NLGN1: variants seen among roughly 807,000 people sequenced by gnomAD.
The protein encoded by NLGN1 is neuroligin 1, also known as neuroligin-1.
NLGN1 carries 12 observed loss-of-function variants against 65.5 expected under a neutral mutation model. The observed-to-expected ratio is 0.18, with a 90% CI of 0.12 to 0.30. The LOEUF is 0.30. Ranked by LOEUF, NLGN1 falls within the 10% of genes least tolerant of loss-of-function variation. The pLI, the probability that NLGN1 is intolerant of heterozygous loss-of-function variation, is 1.00. For missense variants in NLGN1, 750 were observed against 1,007.1 expected (o/e 0.74, Z 3.46); for synonymous variants, 350 against 359.5 (o/e 0.97, Z 0.30).
chr3:174,131,036 A>T (rs1720075667), intron 4 of NLGN1, among the ~76,000 whole-genome samples: 1 of 152,198 alleles, frequency 6.6e-6, no homozygotes, highest in African/African-American at 2.4e-5. Context: ...GAGAAAAAAT[A>T]GTGTAATGAA....
intron 2 of NLGN1, among the ~76,000 whole-genome samples, chr3:173,476,667 C>G (rs1478271463): frequency 6.6e-6 from 1 of 152,100 alleles, no homozygotes; most frequent in Non-Finnish European, 1.5e-5. Context: ...CTGCTTTATC[C>G]ATTCTTAAAG....
intron 3 of NLGN1, among the ~76,000 whole-genome samples, chr3:173,795,552 TTAAC>T (rs1420495955): frequency 6.6e-6 from 1 of 152,128 alleles, no homozygotes; most frequent in Admixed American, 6.6e-5. Context: ...TTATATAAAA[TTAAC>T]TAAATTTCAA....
chr3:173,722,694 AC>A (rs1771061955), intron 3 of NLGN1, among the ~76,000 whole-genome samples: 1 of 152,190 alleles, frequency 6.6e-6, no homozygotes, highest in African/African-American at 2.4e-5. Context: ...TGACAAAATT[AC>A]TTAATCTCCC....
At chr3:174,265,462 C>A (rs894715105) in intron 4 of NLGN1, among the ~76,000 whole-genome samples, 6 of 152,112 alleles carry the variant, frequency 3.9e-5, no homozygotes, top group African/African-American at 7.2e-5. Context: ...TCCGTCACCC[C>A]TTTCTTTGAC....
At chr3:174,217,278 A>C (rs1737795820) in intron 4 of NLGN1, among the ~76,000 whole-genome samples, 1 of 152,096 alleles carries the variant, frequency 6.6e-6, no homozygotes, top group South Asian at 2.1e-4. Flanking sequence ...TGCCCATTCT[A>C]ATCCAGTCTG....
At chr3:173,751,032 C>CA (rs1232738222) in intron 3 of NLGN1, among the ~76,000 whole-genome samples, 2 of 152,018 alleles carry the variant, frequency 1.3e-5, no homozygotes, top group Non-Finnish European at 2.9e-5. Flanking sequence ...GAACACATTT[C>CA]AAAAAACAAA....
intron 3 of NLGN1, among the ~76,000 whole-genome samples, chr3:173,703,857 A>G (rs1767625730): frequency 6.6e-6 from 1 of 152,168 alleles, no homozygotes; most frequent in African/African-American, 2.4e-5. Flanking sequence ...CAGAAGACTA[A>G]TTGTTAATGG....
chr3:174,261,293 G>A (rs1240576690), intron 4 of NLGN1, among the ~76,000 whole-genome samples: 4 of 148,692 alleles, frequency 2.7e-5, no homozygotes, highest in South Asian at 4.4e-4. Context: ...CCATTTTCAC[G>A]ATATTGATTC....
At chr3:174,160,731 T>C (rs1269397669) in intron 4 of NLGN1, among the ~76,000 whole-genome samples, 1 of 151,340 alleles carries the variant, frequency 6.6e-6, no homozygotes, top group African/African-American at 2.4e-5. Flanking sequence ...TTTTATCATA[T>C]TGCCAATATA....
intron 4 of NLGN1, among the ~76,000 whole-genome samples, chr3:173,960,106 T>A (rs1185066603): frequency 1.3e-5 from 2 of 152,126 alleles, no homozygotes. Context: ...TATTACTTTT[T>A]CCTTGGCATT....
At chr3:173,625,209 TAAA>T (rs1361066207) in intron 3 of NLGN1, among the ~76,000 whole-genome samples, 1 of 152,106 alleles carries the variant, frequency 6.6e-6, no homozygotes. Flanking sequence ...AGTAGAATGG[TAAA>T]GAAGTAAGGA....
intron 4 of NLGN1, among the ~76,000 whole-genome samples, chr3:174,250,079 A>G (rs1401087750): frequency 6.6e-6 from 1 of 151,874 alleles, no homozygotes; most frequent in African/African-American, 2.4e-5. Flanking sequence ...ACATAAAGCC[A>G]CACTTCATTA....
intron 4 of NLGN1, among the ~76,000 whole-genome samples, chr3:174,097,735 G>C (rs1745805512): frequency 6.6e-6 from 1 of 152,154 alleles, no homozygotes; most frequent in African/African-American, 2.4e-5. Flanking sequence ...TGGTTATAAA[G>C]AGTTACTGAA....
At chr3:174,213,346 T>G (rs1309654766) in intron 4 of NLGN1, among the ~76,000 whole-genome samples, 2 of 152,186 alleles carry the variant, frequency 1.3e-5, no homozygotes, top group Admixed American at 6.5e-5. Context: ...AATAGGACTT[T>G]CCTTGAAATT....
At chr3:173,476,142 A>G (rs920612273) in intron 2 of NLGN1, among the ~76,000 whole-genome samples, 17 of 152,210 alleles carry the variant, frequency 1.1e-4, no homozygotes, top group Non-Finnish European at 2.4e-4. Context: ...GCCAGTAGAC[A>G]TAATTCAACT....
intron 2 of NLGN1, among the ~76,000 whole-genome samples, chr3:173,548,397 T>A (rs1740255998): frequency 6.6e-6 from 1 of 151,976 alleles, no homozygotes; most frequent in Non-Finnish European, 1.5e-5. Flanking sequence ...TGCCTTACTA[T>A]AATGAAAAAG....
At chr3:173,865,828 G>A (rs528105886) in intron 4 of NLGN1, among the ~76,000 whole-genome samples, 5 of 152,302 alleles carry the variant, frequency 3.3e-5, no homozygotes, top group South Asian at 4.1e-4. Context: ...AAGAGAGATC[G>A]CTCTTTGGGG....
At chr3:174,207,856 T>C (rs1219647781) in intron 4 of NLGN1, among the ~76,000 whole-genome samples, 1 of 152,226 alleles carries the variant, frequency 6.6e-6, no homozygotes, top group Non-Finnish European at 1.5e-5. Context: ...AATATTCTTG[T>C]TAGAGATGTA....
At chr3:173,458,886 A>C (rs1722922710) in intron 2 of NLGN1, among the ~76,000 whole-genome samples, 1 of 151,946 alleles carries the variant, frequency 6.6e-6, no homozygotes, top group Non-Finnish European at 1.5e-5. Context: ...TGCACTTAGG[A>C]GATGTTTATT....
Sources: allele counts gnomAD v4.1 joint callset (sites outside exome capture counted in the v4.1 genomes callset), GRCh38; gene constraint gnomAD v4.1.1; transcripts MANE v1.5; gene names NCBI Gene and HGNC (gene_info 2026-07-23, HGNC 2026-07-21).